Variants in MCTP1 observed in about 807,000 individuals in gnomAD.
The protein encoded by MCTP1 is multiple C2 and transmembrane domain containing 1.
MCTP1 carries 69 observed loss-of-function variants against 120.6 expected under a neutral mutation model. The observed-to-expected ratio is 0.57, with a 90% confidence interval of 0.47 to 0.70. MCTP1 has a LOEUF of 0.70. Ranked by LOEUF, MCTP1 falls within the 30% of genes least tolerant of loss-of-function variation. The pLI is 0.00. For synonymous variants in MCTP1, 529 were observed against 493.1 expected (o/e 1.07, Z -0.96); for missense variants, 1,203 against 1,248.8 (o/e 0.96, Z 0.55).
intron 1 of MCTP1, among the ~76,000 whole-genome samples, chr5:95,172,192 C>T (rs753648846): frequency 2.0e-5 from 3 of 152,132 alleles, no homozygotes; most frequent in Non-Finnish European, 2.9e-5. Flanking sequence ...CGTTTGCCTA[C>T]GTATCAGCAG....
intron 1 of MCTP1, among the ~76,000 whole-genome samples, chr5:95,188,769 C>G (rs938677126): frequency 6.6e-6 from 1 of 151,878 alleles, no homozygotes; most frequent in Non-Finnish European, 1.5e-5. Context: ...GGTGAATATG[C>G]AAAACTACAC....
intron 3 of MCTP1, among the ~76,000 whole-genome samples, chr5:94,949,149 C>T (rs1297820366): frequency 6.6e-6 from 1 of 152,132 alleles, no homozygotes; most frequent in Non-Finnish European, 1.5e-5. Flanking sequence ...AAACAAATAA[C>T]AATTTATATA....
intron 19 of MCTP1, among the ~76,000 whole-genome samples, chr5:94,730,332 T>C (rs748864239): frequency 2.0e-5 from 3 of 152,164 alleles, no homozygotes; most frequent in Non-Finnish European, 4.4e-5. Context: ...GCTAATTTTT[T>C]GTTTTTTGTA....
At chr5:95,068,078 TAAAG>T (rs939792368) in intron 1 of MCTP1, among the ~76,000 whole-genome samples, 4 of 152,190 alleles carry the variant, frequency 2.6e-5, no homozygotes, top group African/African-American at 9.7e-5. Flanking sequence ...TCTTTTTTGA[TAAAG>T]AAAGAGAGGC....
chr5:95,062,052 T>C (rs1393656266), intron 1 of MCTP1, among the ~76,000 whole-genome samples: 2 of 152,226 alleles, frequency 1.3e-5, no homozygotes, highest in African/African-American at 2.4e-5. Context: ...AGCTAGTAGT[T>C]AGCAACTTCA....
At chr5:94,826,023 G>A in intron 17 of MCTP1, 1 of 318,448 alleles carries the variant, frequency 3.1e-6, no homozygotes, top group Non-Finnish European at 6.0e-6. Flanking sequence ...TCTACAAAAT[G>A]GGTGCTCTGT....
At chr5:94,969,038 A>C (rs1183259670) in intron 2 of MCTP1, among the ~76,000 whole-genome samples, 1 of 152,192 alleles carries the variant, frequency 6.6e-6, no homozygotes, top group Non-Finnish European at 1.5e-5. Flanking sequence ...TGTAATTATA[A>C]ATTCCATGGT....
At chr5:95,056,198 C>A (rs539018945) in intron 1 of MCTP1, among the ~76,000 whole-genome samples, 2 of 152,272 alleles carry the variant, frequency 1.3e-5, no homozygotes, top group African/African-American at 4.8e-5. Flanking sequence ...AATATTCTAA[C>A]TAGAGGAAAT....
At chr5:95,200,166 AAAAAAAAG>A (rs957025658) in intron 1 of MCTP1, among the ~76,000 whole-genome samples, 1 of 152,040 alleles carries the variant, frequency 6.6e-6, no homozygotes, top group Non-Finnish European at 1.5e-5. Context: ...ATCTCAAAAA[AAAAAAAAG>A]AAAAAGAGAA....
chr5:95,169,169 T>G lies in MCTP1; in HGVS notation c.720+114687A>C, dbSNP rs1201906992. ...TTGAGATAATCATGTGGTTTTTGTC[T>G]TTGGTTCTGTTTATATGCTGGATTA... On this transcript the variant is annotated intron_variant, in intron 1 of 22. Coordinates refer to ENST00000515393, the MANE Select transcript of MCTP1 (RefSeq NM_024717.7). Among the ~76,000 whole-genome samples the G allele has an allele frequency of 2.6e-5, 4 of 152,376 alleles. No homozygotes were observed. The East Asian group carries it at 5.8e-4, about 22-fold the overall frequency.
chr5:95,153,989 G>C (rs1744817798), intron 1 of MCTP1, among the ~76,000 whole-genome samples: 1 of 152,138 alleles, frequency 6.6e-6, no homozygotes, highest in Admixed American at 6.6e-5. Context: ...TGAAAGTCAT[G>C]CCCGAAAGAA....
intron 17 of MCTP1, among the ~76,000 whole-genome samples, chr5:94,847,332 T>A (rs1792620338): frequency 6.6e-6 from 1 of 152,182 alleles, no homozygotes; most frequent in African/African-American, 2.4e-5. Flanking sequence ...ACACATTTAT[T>A]CTTTTAGCTG....
At chr5:95,225,673 G>C (rs990281431) in intron 1 of MCTP1, among the ~76,000 whole-genome samples, 4 of 152,014 alleles carry the variant, frequency 2.6e-5, no homozygotes, top group Non-Finnish European at 4.4e-5. Flanking sequence ...AGTGCTTGCT[G>C]CTGCCTTCCC....
At chr5:95,026,148 ATTTTAAT>A (rs1321151659) in intron 1 of MCTP1, among the ~76,000 whole-genome samples, 1 of 152,074 alleles carries the variant, frequency 6.6e-6, no homozygotes, top group African/African-American at 2.4e-5. Flanking sequence ...TTAATTTTTA[ATTTTAAT>A]TTTTAATTTT....
At chr5:95,231,419 AAAC>A (rs571725983) in intron 1 of MCTP1, among the ~76,000 whole-genome samples, 105 of 152,346 alleles carry the variant, frequency 6.9e-4, no homozygotes, top group African/African-American at 2.2e-3. Context: ...TTCCCACTTG[AAAC>A]AACAACAGCC....
chr5:94,759,443 G>A (rs1042811223), intron 19 of MCTP1, among the ~76,000 whole-genome samples: 2 of 152,060 alleles, frequency 1.3e-5, no homozygotes, highest in African/African-American at 2.4e-5. Flanking sequence ...AAAAGAACAC[G>A]TCTGCACTTA....
chr5:95,220,217 T>A (rs1038420772), intron 1 of MCTP1, among the ~76,000 whole-genome samples: 8 of 152,180 alleles, frequency 5.3e-5, no homozygotes, highest in African/African-American at 1.9e-4. Context: ...CATGAGAGAT[T>A]TTTTTGTGTG....
chr5:95,237,666 A>G (rs1755703209), intron 1 of MCTP1, among the ~76,000 whole-genome samples: 4 of 152,344 alleles, frequency 2.6e-5, no homozygotes, highest in Admixed American at 6.5e-5. Flanking sequence ...ATAAATGCTC[A>G]CTAACTCCTT....
At chr5:94,741,223 C>T (rs751102745) in intron 19 of MCTP1, among the ~76,000 whole-genome samples, 23 of 152,064 alleles carry the variant, frequency 1.5e-4, no homozygotes, top group Middle Eastern at 3.4e-3. Flanking sequence ...GATATGTCAT[C>T]GAAAATATTT....
Sources: gnomAD v4.1 joint callset for allele counts (sites outside exome capture counted in the v4.1 genomes callset) on GRCh38, gnomAD v4.1.1 for gene constraint, MANE v1.5 for transcripts, NCBI Gene and HGNC (gene_info 2026-07-23, HGNC 2026-07-21) for gene names.